The following RGS6 variants were observed in gnomAD, a reference collection of about 807,000 sequenced individuals.
The protein encoded by RGS6 is regulator of G-protein signaling 6.
RGS6 carries 30 observed loss-of-function variants against 78.5 expected under a neutral mutation model. The ratio of observed to expected loss-of-function variants is 0.38; its 90% CI spans 0.29 to 0.52. The LOEUF is 0.52. RGS6 is among the 20% of genes least tolerant of loss of function. RGS6 has a pLI of 0.85. For synonymous variants in RGS6, 206 were observed against 206.0 expected (o/e 1.00, Z 0.00); for missense variants, 495 against 609.7 (o/e 0.81, Z 1.98).
In RGS6 at chr14:72,474,812, A is replaced by T. The variant is rs550382164; in HGVS notation, c.693+113A>T. On this transcript the variant is annotated intron_variant, in intron 10 of 17. Coordinates refer to ENST00000553525, the MANE Select transcript of RGS6 (RefSeq NM_001204424.2). ...ATTCTACCACCTTTTGTCATTTGAAACCATAACCATTTCACAAATATTGAT... is the reference window on the plus strand; with the variant it reads ...ATTCTACCACCTTTTGTCATTTGAATCCATAACCATTTCACAAATATTGAT... 71 of 857,572 alleles carry T rather than the reference A, an allele frequency of 8.3e-5. 2 individuals are homozygous for T. In the South Asian group the frequency reaches 1.2e-3, roughly 14 times the overall value. 53.1% of individuals were successfully genotyped at this position (857,572 alleles called of 1,614,324 possible). A position where few individuals can be genotyped will look rare whatever the true frequency, so the allele number is the denominator to read the frequency against.
At chr14:72,298,889 C>T (rs1232725245) in intron 2 of RGS6, among the ~76,000 whole-genome samples, 1 of 152,132 alleles carries the variant, frequency 6.6e-6, no homozygotes, top group Non-Finnish European at 1.5e-5. Context: ...TAGAATTTGC[C>T]AGGGAACCTC....
At chr14:72,345,733 A>G (rs2077906743) in intron 2 of RGS6, among the ~76,000 whole-genome samples, 1 of 152,232 alleles carries the variant, frequency 6.6e-6, no homozygotes, top group South Asian at 2.1e-4. Context: ...TGTTTTCATA[A>G]CTGTAGAAAT....
chr14:71,966,761 A>C lies in RGS6; in HGVS notation c.84+1886A>C, dbSNP rs545374472. ...GTAATGAATATCTCTTTTTCTTTTCATGTTTAGGTCTTGTAGAGTCAGTGA... is the reference window on the plus strand; with the variant it reads ...GTAATGAATATCTCTTTTTCTTTTCCTGTTTAGGTCTTGTAGAGTCAGTGA... On this transcript the variant is annotated intron_variant, in intron 2 of 17. Coordinates refer to ENST00000553525, the MANE Select transcript of RGS6 (RefSeq NM_001204424.2). Among the ~76,000 whole-genome samples, 60 of 152,296 alleles carry C rather than the reference A, an allele frequency of 3.9e-4. 1 individual carries two copies. The highest frequency in any genetic ancestry group is 1.4e-3 in the African/African-American group (57 of 41,564).
intron 2 of RGS6, among the ~76,000 whole-genome samples, chr14:72,214,990 T>G (rs1460968478): frequency 6.6e-6 from 1 of 152,226 alleles, no homozygotes; most frequent in Non-Finnish European, 1.5e-5. Flanking sequence ...GAGTTAGAAC[T>G]CTGTTATTCT....
chr14:71,966,301 T>C (rs1304517168), intron 2 of RGS6, among the ~76,000 whole-genome samples: 1 of 152,216 alleles, frequency 6.6e-6, no homozygotes, highest in East Asian at 1.9e-4. Context: ...AAAATAGAGT[T>C]CTCAAATTAT....
intron 2 of RGS6, among the ~76,000 whole-genome samples, chr14:72,292,993 C>T (rs1160705659): frequency 6.6e-6 from 1 of 152,174 alleles, no homozygotes; most frequent in African/African-American, 2.4e-5. Flanking sequence ...CTGACTTTTC[C>T]CTGGATATAT....
chr14:72,474,054 G>A (rs552994615), intron 9 of RGS6: 1 of 152,220 alleles, frequency 6.6e-6, no homozygotes, highest in South Asian at 2.1e-4. Context: ...AATTTCAGTG[G>A]GAAACACACA....
chr14:72,095,547 A>G (rs2153513030), intron 2 of RGS6, among the ~76,000 whole-genome samples: 1 of 152,308 alleles, frequency 6.6e-6, no homozygotes, highest in East Asian at 1.9e-4. Context: ...CTTAATTCAA[A>G]ATGGCTGTAA....
chr14:71,885,420 C>A, the RGS6 span, among the ~76,000 whole-genome samples: 1 of 152,242 alleles, frequency 6.6e-6, no homozygotes, highest in Admixed American at 6.5e-5. Flanking sequence ...AGTATTACAG[C>A]CCTCTCTGGA....
At chr14:72,382,420 GA>G (rs1281392141) in intron 3 of RGS6, among the ~76,000 whole-genome samples, 1 of 152,074 alleles carries the variant, frequency 6.6e-6, no homozygotes, top group Non-Finnish European at 1.5e-5. Context: ...CACTAAACTG[GA>G]AAAAATTAGA....
intron 2 of RGS6, among the ~76,000 whole-genome samples, chr14:72,349,189 A>G: frequency 6.6e-6 from 1 of 152,236 alleles, no homozygotes; most frequent in East Asian, 1.9e-4. Context: ...AAAATAAAAA[A>G]TAAATAAACT....
chr14:72,548,821 ATAGG>A (rs574330742), intron 17 of RGS6, among the ~76,000 whole-genome samples: 103 of 152,312 alleles, frequency 6.8e-4, no homozygotes, highest in Middle Eastern at 3.4e-3. Flanking sequence ...TAGAAGATAG[ATAGG>A]TAGATACTAA....
intron 1 of RGS6, among the ~76,000 whole-genome samples, chr14:71,942,402 A>C (rs1223262006): frequency 3.9e-5 from 6 of 152,154 alleles, no homozygotes; most frequent in African/African-American, 1.4e-4. Flanking sequence ...CCAAGGCAGC[A>C]GATAAAGCAA....
intron 3 of RGS6, among the ~76,000 whole-genome samples, chr14:72,389,365 C>G (rs1238378407): frequency 6.6e-6 from 1 of 152,130 alleles, no homozygotes; most frequent in East Asian, 1.9e-4. Context: ...TAATAAATGA[C>G]CTTCTGAGAG....
chr14:72,592,767 C>A, the RGS6 span, among the ~76,000 whole-genome samples: 8 of 152,310 alleles, frequency 5.3e-5, no homozygotes, highest in South Asian at 1.7e-3. Context: ...TGGTACATGT[C>A]TGCTATGATG....
chr14:72,037,232 T>C (rs1473970231), intron 2 of RGS6, among the ~76,000 whole-genome samples: 1 of 152,222 alleles, frequency 6.6e-6, no homozygotes. Context: ...GAATAAAAGC[T>C]GGCCACCCAA....
Position 72,459,636 on chromosome 14 carries a change from C to T in RGS6, c.347C>T (p.Pro116Leu), listed in dbSNP as rs754206016. 4 of 1,614,046 alleles carry T rather than the reference C, an allele frequency of 2.5e-6. No homozygotes were observed. Among genetic ancestry groups the T allele is most frequent in the Non-Finnish European group, 3.4e-6 (4 of 1,180,016 alleles). ...DDGTFYRFQA[P>L]YFWPSNCWEP... The stretch of plus-strand genomic sequence containing the variant: ...AACACCCATGCTCCTTTGCAGGCTC[C>T]GTACTTCTGGCCTTCGAACTGCTGG... The change falls in exon 6 of 18, where the codon CCG (proline) becomes CTG (leucine). Residue 116 changes from proline (P) to leucine (L), a missense_variant. Transcript: ENST00000553525.
chr14:72,583,266 T>A, the RGS6 span, among the ~76,000 whole-genome samples: 8 of 152,240 alleles, frequency 5.3e-5, no homozygotes, highest in Non-Finnish European at 1.2e-4. Flanking sequence ...AAACCTGTCA[T>A]GGGACTCCTT....
chr14:72,009,962 C>CT (rs529515973), intron 2 of RGS6, among the ~76,000 whole-genome samples: 89 of 152,320 alleles, frequency 5.8e-4, no homozygotes, highest in Admixed American at 2.0e-3. Context: ...GGCTTACTCT[C>CT]TTTTTTCTGT....
Sources: allele counts gnomAD v4.1 joint callset (sites outside exome capture counted in the v4.1 genomes callset), GRCh38; gene constraint gnomAD v4.1.1; transcripts MANE v1.5; gene names NCBI Gene and HGNC (gene_info 2026-07-23, HGNC 2026-07-21).